Variants in TRAPPC9 observed in about 807,000 individuals in gnomAD.
TRAPPC9 encodes the protein trafficking protein particle complex subunit 9.
A neutral mutation model predicts 124.0 loss-of-function variants in TRAPPC9; 83 were observed. That is an observed-to-expected ratio of 0.67 (90% CI 0.56 to 0.80). TRAPPC9 has a LOEUF of 0.80. Among genes scored for constraint, TRAPPC9 ranks in the 30% least tolerant of loss-of-function variants. The pLI is 0.00. For missense variants in TRAPPC9, 1,302 were observed against 1,508.3 expected (o/e 0.86, Z 2.27); for synonymous variants, 638 against 617.5 (o/e 1.03, Z -0.49).
At chr8:140,450,697 C>A in intron 2 of TRAPPC9, 93 bp downstream of exon 2, 2 of 998,188 alleles carry the variant, frequency 2.0e-6, no homozygotes, top group South Asian at 1.4e-5. Flanking sequence ...ATGGACAACA[C>A]CTTTCTACTC....
At chr8:139,905,587 G>A (rs761101874) in intron 20 of TRAPPC9, among the ~76,000 whole-genome samples, 14 of 152,198 alleles carry the variant, frequency 9.2e-5, no homozygotes, top group African/African-American at 2.6e-4. Flanking sequence ...AAGGTCACCC[G>A]GGGCAGGGAC....
At chr8:140,385,825 G>A (rs982142716) in intron 7 of TRAPPC9, among the ~76,000 whole-genome samples, 1 of 152,158 alleles carries the variant, frequency 6.6e-6, no homozygotes, top group African/African-American at 2.4e-5. Flanking sequence ...TATGAGGCCA[G>A]CATCATCCTG....
chr8:140,300,727 T>C (rs756291996), intron 10 of TRAPPC9, 113 bp from the exon 11 acceptor site: 5 of 1,360,876 alleles, frequency 3.7e-6, no homozygotes, highest in Admixed American at 3.4e-5. Context: ...AGAAGGAAGA[T>C]AAATGGAGGG....
intron 21 of TRAPPC9, among the ~76,000 whole-genome samples, chr8:139,795,800 C>T (rs754944197): frequency 6.6e-6 from 1 of 152,090 alleles, no homozygotes; most frequent in Non-Finnish European, 1.5e-5. Context: ...AAATCAGCTG[C>T]GCACAAGCCA....
rs1319786433 is a variant in TRAPPC9 at position 140,231,458 on chromosome 8, C to T, written c.2432-9875G>A. 2.8e-5 allele frequency among the ~76,000 whole-genome samples: 4 copies of T among 141,014 alleles called. No individual in the cohort carries two copies. The East Asian group carries it at 8.2e-4, about 29-fold the overall frequency. The allele number at this position is 141,014 out of a possible 152,430, so 92.5% of individuals were successfully genotyped here. A position where few individuals can be genotyped will look rare whatever the true frequency, so the allele number is the denominator to read the frequency against. ...CAAATCCAAAGATTATTTTTTAAAACTGCTAGTAAATCACTGCCTTTTCTT... is the reference window on the plus strand; with the variant it reads ...CAAATCCAAAGATTATTTTTTAAAATTGCTAGTAAATCACTGCCTTTTCTT... On this transcript the variant is annotated intron_variant, in intron 16 of 22. Transcript: ENST00000438773.
Position 140,272,003 on chromosome 8 carries a change from ATGG to A in TRAPPC9, c.2278+3652_2278+3654del, listed in dbSNP as rs201372544. 7.8e-3 allele frequency among the ~76,000 whole-genome samples: 977 copies of A among 125,112 alleles called. 10 individuals carry two copies. Among genetic ancestry groups the A allele is most frequent in the African/African-American group, 0.03 (936 of 30,714 alleles). 82.1% of individuals were successfully genotyped at this position (125,112 alleles called of 152,430 possible). A position where few individuals can be genotyped will look rare whatever the true frequency, so the allele number is the denominator to read the frequency against. On this transcript the variant is annotated intron_variant, in intron 15 of 22. Coordinates refer to ENST00000438773, the MANE Select transcript of TRAPPC9 (RefSeq NM_001160372.4). The stretch of plus-strand genomic sequence containing the variant: ...AATGGTGGTGGTGGTGGTGGTAGTG[ATGG>A]TGGTGACGGGTGATGGTGGCAGTGG...
intron 1 of TRAPPC9, among the ~76,000 whole-genome samples, chr8:140,454,262 C>T (rs2977455): frequency 0.56 from 84,149 of 151,486 alleles, 23,523 homozygotes; most frequent in Non-Finnish European, 0.57. Context: ...GCACTCCAGC[C>T]TGGGTAACAG....
intron 21 of TRAPPC9, among the ~76,000 whole-genome samples, chr8:139,749,237 C>T (rs1181562944): frequency 1.3e-5 from 2 of 152,140 alleles, no homozygotes; most frequent in Non-Finnish European, 2.9e-5. Flanking sequence ...ACATCCAGCC[C>T]CCAGCAACCC....
intron 21 of TRAPPC9, among the ~76,000 whole-genome samples, chr8:139,758,987 C>T (rs2130331240): frequency 6.6e-6 from 1 of 152,336 alleles, no homozygotes; most frequent in African/African-American, 2.4e-5. Context: ...GAACCCAAGA[C>T]ACTGCATGAG....
At position 139,776,509 on chromosome 8, in the gene TRAPPC9, G is replaced by A. The variant is rs1409056544; in HGVS notation, c.3056-44307C>T. Among the ~76,000 whole-genome samples, 1 of 152,204 alleles carries A rather than the reference G, an allele frequency of 6.6e-6. No individual in the cohort carries two copies. The highest frequency in any genetic ancestry group is 2.4e-5 in the African/African-American group (1 of 41,462). The stretch of plus-strand genomic sequence containing the variant: ...ATGCATCTCAACCCATTCGGCAAAC[G>A]GGAGCTTCATCGCAATAGCGACTGC... On this transcript the variant is annotated intron_variant, in intron 21 of 22. Coordinates refer to ENST00000438773, the MANE Select transcript of TRAPPC9 (RefSeq NM_001160372.4). This position sits in a 1 kb window ranked among gnomAD's most constrained non-coding sequence, Gnocchi z 4.1.
rs146764104 is a variant in TRAPPC9 at position 139,968,017 on chromosome 8, TG to T, written c.2810+20708del. ...TTAGCCAGGCATGGTGGCGTGCACC[TG>T]TAATCCCAGCTACTCAGGAGGCTGA... On this transcript the variant is annotated intron_variant, in intron 19 of 22. Coordinates refer to ENST00000438773, the MANE Select transcript of TRAPPC9 (RefSeq NM_001160372.4). Among the ~76,000 whole-genome samples the T allele has an allele frequency of 8.0e-3, 1,223 of 152,034 alleles. 10 individuals are homozygous for T. Among genetic ancestry groups the T allele is most frequent in the African/African-American group, 0.028 (1,156 of 41,470 alleles).
At chr8:139,831,799 CA>C (rs1257135353) in intron 21 of TRAPPC9, among the ~76,000 whole-genome samples, 2 of 152,212 alleles carry the variant, frequency 1.3e-5, no homozygotes, top group Admixed American at 6.5e-5. Context: ...AATGGAGGCC[CA>C]GGGGGATGGA....
At position 139,777,528 on chromosome 8, in the gene TRAPPC9, A is replaced by C. The variant is rs1351559369; in HGVS notation, c.3056-45326T>G. 4.6e-5 allele frequency among the ~76,000 whole-genome samples: 7 copies of C among 152,326 alleles called. No homozygotes were observed. The East Asian group carries it at 9.6e-4, about 21-fold the overall frequency. On this transcript the variant is annotated intron_variant, in intron 21 of 22. Coordinates refer to ENST00000438773, the MANE Select transcript of TRAPPC9 (RefSeq NM_001160372.4). ...CATTTCCTGAATGAGCAAATGAATG[A>C]AGGAAAGATTTCCTCCTTGACAATA...
intron 20 of TRAPPC9, among the ~76,000 whole-genome samples, chr8:139,908,222 A>G (rs965250704): frequency 1.3e-5 from 2 of 152,026 alleles, no homozygotes; most frequent in Admixed American, 1.3e-4. Flanking sequence ...CGTTCAGGAG[A>G]ATGAATAACC....
chr8:139,988,133 G>T (rs1837368330), intron 19 of TRAPPC9, among the ~76,000 whole-genome samples: 1 of 145,374 alleles, frequency 6.9e-6, no homozygotes, highest in African/African-American at 2.6e-5. Context: ...TTTTGAGGCG[G>T]AGTCTCGCTC....
At chr8:139,897,552 T>G (rs1164331998) in intron 20 of TRAPPC9, among the ~76,000 whole-genome samples, 1 of 152,208 alleles carries the variant, frequency 6.6e-6, no homozygotes, top group South Asian at 2.1e-4. Flanking sequence ...GCTCCATAAA[T>G]GCCTGCTGCT....
intron 19 of TRAPPC9, among the ~76,000 whole-genome samples, chr8:139,966,041 A>G (rs986182137): frequency 5.9e-5 from 9 of 152,212 alleles, no homozygotes; most frequent in African/African-American, 4.8e-5. Flanking sequence ...AACTACGACT[A>G]CTACTTTCAC....
At chr8:139,928,848 C>A (rs968175129) in intron 19 of TRAPPC9, among the ~76,000 whole-genome samples, 1 of 151,446 alleles carries the variant, frequency 6.6e-6, no homozygotes, top group African/African-American at 2.4e-5. Context: ...CTCTAGGAAA[C>A]CACAGGTGTT....
chr8:139,887,044 CCCT>C (rs917841444), intron 20 of TRAPPC9, among the ~76,000 whole-genome samples: 45 of 152,070 alleles, frequency 3.0e-4, no homozygotes, highest in African/African-American at 1.1e-3. Context: ...GGGCATATCC[CCCT>C]CATCAATGGT....
Sources: gnomAD v4.1 joint callset for allele counts (sites outside exome capture counted in the v4.1 genomes callset) on GRCh38, gnomAD v4.1.1 for gene constraint, Gnocchi (gnomAD v3.1) non-coding constraint, MANE v1.5 for transcripts, NCBI Gene and HGNC (gene_info 2026-07-23, HGNC 2026-07-21) for gene names.